The following FSD1L variants were observed in gnomAD, a reference collection of about 807,000 sequenced individuals.
FSD1L encodes FSD1-like protein.
In FSD1L, 45 loss-of-function variants were observed where a neutral mutation model predicts 71.6. The observed-to-expected ratio is 0.63, with a 90% CI of 0.49 to 0.81. The LOEUF is 0.81. FSD1L is among the 30% of genes least tolerant of loss of function. The pLI is 0.00. For synonymous variants in FSD1L, 197 were observed against 207.2 expected (o/e 0.95, Z 0.42); for missense variants, 561 against 618.1 (o/e 0.91, Z 0.98).
At chr9:105,513,517 G>A in intron 10 of FSD1L, 3 of 1,146,502 alleles carry the variant, frequency 2.6e-6, no homozygotes, top group Non-Finnish European at 2.5e-6. Context: ...TCCTCAGCAG[G>A]CCTTTAATCT....
At chr9:105,542,917 C>T (rs554490818) in intron 13 of FSD1L, among the ~76,000 whole-genome samples, 24 of 152,176 alleles carry the variant, frequency 1.6e-4, no homozygotes, top group African/African-American at 5.3e-4. Flanking sequence ...ATTTTTTTCC[C>T]TATTATGGGT....
At chr9:105,506,321 T>TA in intron 7 of FSD1L, 78 bp from the exon 8 acceptor site, 1 of 1,093,390 alleles carries the variant, frequency 9.1e-7, no homozygotes, top group Non-Finnish European at 1.3e-6. Context: ...TTGAATGATA[T>TA]AAATGTGATA....
intron 2 of FSD1L, among the ~76,000 whole-genome samples, chr9:105,463,154 T>TAA (rs35129913): frequency 4.2e-4 from 63 of 149,886 alleles, no homozygotes; most frequent in East Asian, 1.4e-3. Context: ...AAAAAAAACT[T>TAA]AAAAAAAAAA....
chr9:105,506,865 G>T (rs930781108), intron 8 of FSD1L, among the ~76,000 whole-genome samples: 1 of 151,622 alleles, frequency 6.6e-6, no homozygotes, highest in African/African-American at 2.4e-5. Context: ...TCCGCCTCCT[G>T]GGTTCAAGTA....
At position 105,524,483 on chromosome 9, in the gene FSD1L, A is replaced by G. The variant is rs1453570047; in HGVS notation, c.1026-10010A>G. On this transcript the variant is annotated intron_variant, in intron 10 of 13. Coordinates refer to ENST00000481272, the MANE Select transcript of FSD1L (RefSeq NM_001145313.3). ...TACCTCTAAAGACACTGCTCCAACCATTTCATGCTACGGGAGCAGAAAGCG... is the reference window on the plus strand; with the variant it reads ...TACCTCTAAAGACACTGCTCCAACCGTTTCATGCTACGGGAGCAGAAAGCG... 6.8e-6 allele frequency: 11 copies of G among 1,613,600 alleles called. No homozygotes were observed. In the East Asian group the frequency reaches 1.1e-4, roughly 16 times the overall value.
intron 7 of FSD1L, among the ~76,000 whole-genome samples, chr9:105,492,638 G>A (rs369824744): frequency 7.2e-4 from 109 of 152,120 alleles, no homozygotes; most frequent in Non-Finnish European, 1.4e-3. Context: ...TGGGCATTTA[G>A]TGTTATAAAT....
At chr9:105,538,583 C>A (rs1287365016) in intron 12 of FSD1L, among the ~76,000 whole-genome samples, 1 of 152,034 alleles carries the variant, frequency 6.6e-6, no homozygotes, top group Admixed American at 6.6e-5. Flanking sequence ...GGAGGTCAGA[C>A]AGACAGTTTT....
chr9:105,449,322 T>G (rs1050376044), intron 1 of FSD1L, among the ~76,000 whole-genome samples: 1 of 152,228 alleles, frequency 6.6e-6, no homozygotes, highest in African/African-American at 2.4e-5. Flanking sequence ...GTCTTGAAAC[T>G]CACCTTGGAA....
intron 9 of FSD1L, among the ~76,000 whole-genome samples, chr9:105,510,548 G>A (rs1195092907): frequency 6.6e-6 from 1 of 152,154 alleles, no homozygotes; most frequent in Admixed American, 6.6e-5. Flanking sequence ...AAGAAAGGTG[G>A]AGATTGAGTA....
rs1366006858 is a variant in FSD1L at position 105,448,235 on chromosome 9, A to G, written c.15A>G (p.Lys5=). The G allele has an allele frequency of 6.7e-7, 1 of 1,489,048 alleles. No individual in the cohort carries two copies. The highest frequency in any genetic ancestry group is 9.0e-7 in the Non-Finnish European group (1 of 1,111,036). 92.2% of individuals were successfully genotyped at this position (1,489,048 alleles called of 1,614,324 possible). ...AGCCACTCGCCATGGACTCCCAGAAAGTAAGCGGGGGAGGGGAGCCCGGGG... is the reference window on the plus strand; with the variant it reads ...AGCCACTCGCCATGGACTCCCAGAAGGTAAGCGGGGGAGGGGAGCCCGGGG... MDSQ[K]YCFKENENVT... Residue 5 remains lysine (K), a splice_region_variant and synonymous_variant, in exon 1 of 14, where the codon AAA becomes AAG. Transcript: ENST00000481272.
chr9:105,474,129 CCTAGA>C (rs2131659035), intron 5 of FSD1L, among the ~76,000 whole-genome samples: 1 of 152,252 alleles, frequency 6.6e-6, no homozygotes, highest in East Asian at 1.9e-4. Flanking sequence ...ATGGCACAAA[CCTAGA>C]CAGTATAGCC....
At chr9:105,489,161 A>G (rs1196358748) in intron 7 of FSD1L, among the ~76,000 whole-genome samples, 4 of 152,188 alleles carry the variant, frequency 2.6e-5, no homozygotes, top group African/African-American at 9.7e-5. Flanking sequence ...CATAATCTTA[A>G]AACTGGCTGA....
At chr9:105,537,892 G>A (rs1268348716) in intron 12 of FSD1L, among the ~76,000 whole-genome samples, 1 of 152,184 alleles carries the variant, frequency 6.6e-6, no homozygotes, top group Non-Finnish European at 1.5e-5. Context: ...CTGAGCAGTG[G>A]AGAATTAAGA....
At chr9:105,488,050 T>C (rs919978756) in intron 7 of FSD1L, among the ~76,000 whole-genome samples, 1 of 152,218 alleles carries the variant, frequency 6.6e-6, no homozygotes, top group Non-Finnish European at 1.5e-5. Context: ...GTCTATAGTT[T>C]ACATTGGGGG....
At chr9:105,448,912 G>T (rs1216782699) in intron 1 of FSD1L, among the ~76,000 whole-genome samples, 1 of 152,184 alleles carries the variant, frequency 6.6e-6, no homozygotes, top group Non-Finnish European at 1.5e-5. Flanking sequence ...GTTGAGGAAA[G>T]GTTATATAAT....
intron 7 of FSD1L, among the ~76,000 whole-genome samples, chr9:105,485,449 A>G (rs945894900): frequency 6.6e-6 from 1 of 151,692 alleles, no homozygotes; most frequent in Non-Finnish European, 1.5e-5. Context: ...CCACTTCCCA[A>G]CACTGCCATA....
chr9:105,463,761 C>T (rs995514159), intron 2 of FSD1L, among the ~76,000 whole-genome samples: 1 of 152,150 alleles, frequency 6.6e-6, no homozygotes, highest in Non-Finnish European at 1.5e-5. Context: ...TGAATGTTGT[C>T]ATTCTAAATG....
intron 1 of FSD1L, among the ~76,000 whole-genome samples, chr9:105,451,161 A>G (rs111647311): frequency 0.016 from 2,401 of 151,986 alleles, 89 homozygotes; most frequent in African/African-American, 0.055. Flanking sequence ...GGGTTTCATC[A>G]TGTTAGCCAG....
At chr9:105,523,365 A>G in intron 10 of FSD1L, 1 of 1,603,132 alleles carries the variant, frequency 6.2e-7, no homozygotes, top group Non-Finnish European at 8.5e-7. Flanking sequence ...TCTAGAAATT[A>G]GTGAATTTCC....
Sources: gnomAD v4.1 joint callset for allele counts (sites outside exome capture counted in the v4.1 genomes callset) on GRCh38, gnomAD v4.1.1 for gene constraint, MANE v1.5 for transcripts, NCBI Gene and HGNC (gene_info 2026-07-23, HGNC 2026-07-21) for gene names.